The following TIAM1 variants were observed in gnomAD, a reference collection of about 807,000 sequenced individuals.
TIAM1 encodes rho guanine nucleotide exchange factor TIAM1.
In TIAM1, 65 loss-of-function variants were observed where a neutral mutation model predicts 163.5. That is an observed-to-expected ratio of 0.40 (90% CI 0.33 to 0.49). The LOEUF (loss-of-function observed/expected upper bound fraction) is 0.49. Ranked by LOEUF, TIAM1 falls within the 20% of genes least tolerant of loss-of-function variation. The pLI is 0.77. For synonymous variants in TIAM1, 833 were observed against 810.1 expected, an observed-to-expected ratio of 1.03 and a Z score of -0.48; for missense variants, 1,789 against 2,044.7, an observed-to-expected ratio of 0.87 and a Z score of 2.41.
chr21:31,165,529 GC>G (rs1450249330), intron 15 of TIAM1, among the ~76,000 whole-genome samples: 1 of 152,094 alleles, frequency 6.6e-6, no homozygotes, highest in Non-Finnish European at 1.5e-5. Context: ...CAGGAAAAGA[GC>G]CCTCACCAGG....
At chr21:31,251,357 ATTTG>A (rs987397696) in intron 5 of TIAM1, among the ~76,000 whole-genome samples, 11 of 152,090 alleles carry the variant, frequency 7.2e-5, no homozygotes, top group Non-Finnish European at 1.2e-4. Flanking sequence ...TAGCTTATTT[ATTTG>A]TTTGTTTGTT....
At chr21:31,200,448 T>C (rs769006131) in intron 12 of TIAM1, among the ~76,000 whole-genome samples, 13 of 152,258 alleles carry the variant, frequency 8.5e-5, no homozygotes, top group Admixed American at 3.3e-4. Flanking sequence ...TAGCAGTGCC[T>C]GTGACTCCGT....
chr21:31,274,981 C>CG (rs1284684784), intron 3 of TIAM1, among the ~76,000 whole-genome samples: 2 of 19,072 alleles, frequency 1.0e-4, no homozygotes, highest in Middle Eastern at 0.024. Context: ...GTGGTGGGGG[C>CG]GGGGGGCAGG....
At chr21:31,202,339 C>A (rs896602708) in intron 12 of TIAM1, among the ~76,000 whole-genome samples, 1 of 151,756 alleles carries the variant, frequency 6.6e-6, no homozygotes, top group Non-Finnish European at 1.5e-5. Flanking sequence ...ATCACTTGAG[C>A]CCAGGAGTTC....
intron 12 of TIAM1, 23 bp from the exon 13 acceptor site, chr21:31,195,328 T>G (rs550138437): frequency 1.3e-6 from 2 of 1,532,414 alleles, no homozygotes; most frequent in Non-Finnish European, 1.8e-6. Context: ...AAGGGGAATC[T>G]AATTAGAATT....
chr21:31,147,853 G>C (rs991808021), intron 19 of TIAM1, among the ~76,000 whole-genome samples: 4 of 144,880 alleles, frequency 2.8e-5, no homozygotes, highest in Admixed American at 7.0e-5. Context: ...GTCTTGTTTA[G>C]AGAGGGACCT....
intron 1 of TIAM1, among the ~76,000 whole-genome samples, chr21:31,503,386 T>G (rs1223134783): frequency 8.6e-6 from 1 of 116,640 alleles, no homozygotes; most frequent in African/African-American, 3.5e-5. Flanking sequence ...CAGAGTAAAC[T>G]GAGGAAAGAA....
At chr21:31,228,366 CA>C (rs1222989810) in intron 6 of TIAM1, among the ~76,000 whole-genome samples, 3 of 149,922 alleles carry the variant, frequency 2.0e-5, no homozygotes, top group African/African-American at 7.4e-5. Context: ...TAAACTTGTA[CA>C]ACTGCTTTAG....
intron 2 of TIAM1, among the ~76,000 whole-genome samples, chr21:31,354,618 T>C (rs2147123001): frequency 6.6e-6 from 1 of 152,258 alleles, no homozygotes; most frequent in East Asian, 1.9e-4. Flanking sequence ...AACAGAATCT[T>C]GCTCGCAGCT....
chr21:31,492,725 T>C (rs7281338), intron 1 of TIAM1, among the ~76,000 whole-genome samples: 43,471 of 150,762 alleles, frequency 0.29, 7,452 homozygotes, highest in African/African-American at 0.48. Context: ...ACACTGTTAA[T>C]CTTGGCAAAA....
intron 2 of TIAM1, among the ~76,000 whole-genome samples, chr21:31,422,287 G>A (rs769332183): frequency 1.4e-4 from 22 of 152,292 alleles, no homozygotes; most frequent in African/African-American, 4.6e-4. Flanking sequence ...TTACAGCTCC[G>A]TCTCAGGATA....
At chr21:31,422,951 C>T (rs2147262379) in intron 2 of TIAM1, among the ~76,000 whole-genome samples, 1 of 152,178 alleles carries the variant, frequency 6.6e-6, no homozygotes, top group Non-Finnish European at 1.5e-5. Context: ...TGCCCCATGA[C>T]ATGGGGCGCT....
chr21:31,227,981 C>T (rs1010111046), intron 6 of TIAM1, among the ~76,000 whole-genome samples: 2 of 151,888 alleles, frequency 1.3e-5, no homozygotes, highest in Non-Finnish European at 2.9e-5. Context: ...CAGTTCACTG[C>T]AACCTCCGCC....
At chr21:31,360,549 A>G (rs554025381) in intron 2 of TIAM1, among the ~76,000 whole-genome samples, 1 of 152,298 alleles carries the variant, frequency 6.6e-6, no homozygotes, top group African/African-American at 2.4e-5. Context: ...CATTCTGACT[A>G]CATTCCAGGT....
chr21:31,150,822 T>C (rs1196889318), intron 19 of TIAM1, among the ~76,000 whole-genome samples: 1 of 152,180 alleles, frequency 6.6e-6, no homozygotes, highest in Non-Finnish European at 1.5e-5. Context: ...AAAAAATATT[T>C]ACAAATCATG....
rs367907079 is a variant in TIAM1 at position 31,378,136 on chromosome 21, C to CAAA, written c.-368-38717_-368-38715dup. Among the ~76,000 whole-genome samples the CAAA allele has an allele frequency of 8.4e-3, 403 of 48,058 alleles. 11 individuals carry two copies. The highest frequency in any genetic ancestry group is 0.03 in the African/African-American group (381 of 12,500). The allele number at this position is 48,058 out of a possible 152,430, so 31.5% of individuals were successfully genotyped here. A position where few individuals can be genotyped will look rare whatever the true frequency, so the allele number is the denominator to read the frequency against. ...GGGTAACAAGAGCGAAACTCTGTCTCAAAAAAAAAAAAAAAAAAAAAGTCA... is the reference window on the plus strand; with the variant it reads ...GGGTAACAAGAGCGAAACTCTGTCTCAAAAAAAAAAAAAAAAAAAAAAAAGTCA... On this transcript the variant is annotated intron_variant, in intron 2 of 28. Coordinates refer to the TIAM1 transcript ENST00000286827.
chr21:31,292,870 T>C (rs1432092883), intron 2 of TIAM1, among the ~76,000 whole-genome samples: 2 of 152,060 alleles, frequency 1.3e-5, no homozygotes, highest in South Asian at 2.1e-4. Flanking sequence ...GGTTTCACCA[T>C]GTTGGCCAGG....
chr21:31,524,078 G>GA (rs929818795), intron 1 of TIAM1, among the ~76,000 whole-genome samples: 9 of 151,598 alleles, frequency 5.9e-5, no homozygotes, highest in Admixed American at 2.0e-4. Context: ...ATGCTCAGGT[G>GA]AAAAAAAAGC....
At chr21:31,261,746 T>C (rs2072488522) in intron 4 of TIAM1, among the ~76,000 whole-genome samples, 1 of 152,168 alleles carries the variant, frequency 6.6e-6, no homozygotes, top group African/African-American at 2.4e-5. Flanking sequence ...CATCCAGTTG[T>C]GACACCTCAT....
Sources: allele counts gnomAD v4.1 joint callset (sites outside exome capture counted in the v4.1 genomes callset), GRCh38; gene constraint gnomAD v4.1.1; transcripts MANE v1.5; gene names NCBI Gene and HGNC (gene_info 2026-07-23, HGNC 2026-07-21).